Variants in ADGRL2 observed in about 807,000 individuals in gnomAD.
ADGRL2 encodes the protein adhesion G protein-coupled receptor L2.
A neutral mutation model predicts 157.4 loss-of-function variants in ADGRL2; 44 were observed. That is an observed-to-expected ratio of 0.28 (90% CI 0.22 to 0.36). The LOEUF (loss-of-function observed/expected upper bound fraction) is 0.36, where lower values mean the gene tolerates loss of function less well. Among genes scored for constraint, ADGRL2 ranks in the 10% least tolerant of loss-of-function variants. ADGRL2 has a pLI of 1.00. For synonymous variants in ADGRL2, 585 were observed against 624.7 expected, an observed-to-expected ratio of 0.94 and a Z score of 0.95; for missense variants, 1,510 against 1,768.9, an observed-to-expected ratio of 0.85 and a Z score of 2.63.
At position 81,492,756 on chromosome 1, in the gene ADGRL2, C is replaced by T. The variant is rs12072493; in HGVS notation, c.-248+47667C>T. Among the ~76,000 whole-genome samples, 479 of 152,204 alleles carry T rather than the reference C, an allele frequency of 3.1e-3. 4 individuals are homozygous for T. The highest frequency in any genetic ancestry group is 0.011 in the African/African-American group (437 of 41,520). ...TAAACAGCAAGGCATTTAATATTGC[C>T]ATCCAGATACTATTCTGATCTGCTG... is the stretch of plus-strand genomic sequence containing the variant. On this transcript the variant is annotated intron_variant, in intron 2 of 24. Transcript: ENST00000370721.
chr1:81,451,117 A>C (rs1462847593), intron 2 of ADGRL2, among the ~76,000 whole-genome samples: 1 of 152,088 alleles, frequency 6.6e-6, no homozygotes, highest in Non-Finnish European at 1.5e-5. Context: ...GATAGCCCTC[A>C]CTGTCTGGAA....
chr1:81,756,818 C>T (rs2085706607), intron 1 of ADGRL2, among the ~76,000 whole-genome samples: 1 of 152,138 alleles, frequency 6.6e-6, no homozygotes, highest in African/African-American at 2.4e-5. Context: ...AAATTTTAGA[C>T]ATGATAGGCA....
chr1:81,952,403 A>G (rs1323029594), intron 9 of ADGRL2, among the ~76,000 whole-genome samples: 3 of 152,168 alleles, frequency 2.0e-5, no homozygotes, highest in Non-Finnish European at 2.9e-5. Context: ...ATTGTGGTCA[A>G]TACTGTAAGT....
chr1:81,612,940 G>A (rs1160386328), intron 3 of ADGRL2, among the ~76,000 whole-genome samples: 1 of 152,128 alleles, frequency 6.6e-6, no homozygotes, highest in African/African-American at 2.4e-5. Flanking sequence ...TATCTTTGTT[G>A]TTATTATTAA....
chr1:81,417,031 T>C (rs2077044689), intron 1 of ADGRL2, among the ~76,000 whole-genome samples: 1 of 152,210 alleles, frequency 6.6e-6, no homozygotes, highest in African/African-American at 2.4e-5. Context: ...CCTTAAAATT[T>C]AAAGAAAATT....
At chr1:81,854,975 G>T (rs1455095362) in intron 2 of ADGRL2, among the ~76,000 whole-genome samples, 1 of 152,112 alleles carries the variant, frequency 6.6e-6, no homozygotes, top group African/African-American at 2.4e-5. Flanking sequence ...AATTTCAAAG[G>T]TGATTATATA....
At position 81,993,292 on chromosome 1, in the gene ADGRL2, T is replaced by C. The variant is rs1046390057; in HGVS notation, c.*2147T>C. 6.0e-5 allele frequency among the ~76,000 whole-genome samples: 9 copies of C among 151,180 alleles called. No homozygotes were observed. The highest frequency in any genetic ancestry group is 2.2e-4 in the African/African-American group (9 of 41,078). On this transcript the variant is annotated 3_prime_UTR_variant, in exon 24 of 24. Coordinates refer to ENST00000686636, the MANE Select transcript of ADGRL2 (RefSeq NM_001366006.2). ...ATAAACTACTTGCTAAAGGAGGGCATTAGATAATCAAGTATTTTTAATTTT... is the reference window on the plus strand; with the variant it reads ...ATAAACTACTTGCTAAAGGAGGGCACTAGATAATCAAGTATTTTTAATTTT...
chr1:81,651,416 C>T (rs749449086), intron 3 of ADGRL2, among the ~76,000 whole-genome samples: 29 of 152,220 alleles, frequency 1.9e-4, no homozygotes, highest in African/African-American at 6.3e-4. Context: ...TCAAATACTA[C>T]GCTGGTTGAT....
intron 3 of ADGRL2, among the ~76,000 whole-genome samples, chr1:81,604,644 A>T (rs1052242784): frequency 6.6e-6 from 1 of 152,178 alleles, no homozygotes; most frequent in Non-Finnish European, 1.5e-5. Context: ...GTCATGGGCA[A>T]ATCAAGAGAG....
intron 2 of ADGRL2, among the ~76,000 whole-genome samples, chr1:81,477,200 T>G (rs2078290351): frequency 6.6e-6 from 1 of 152,232 alleles, no homozygotes; most frequent in Non-Finnish European, 1.5e-5. Context: ...CAAGATGGAT[T>G]ATTATACCCA....
At chr1:81,500,204 G>A (rs1305625408) in intron 2 of ADGRL2, among the ~76,000 whole-genome samples, 5 of 152,192 alleles carry the variant, frequency 3.3e-5, no homozygotes, top group African/African-American at 1.2e-4. Flanking sequence ...GCTGTTAGTG[G>A]GGATGTAAAA....
chr1:81,462,297 A>G (rs142793963), intron 2 of ADGRL2, among the ~76,000 whole-genome samples: 6 of 152,198 alleles, frequency 3.9e-5, no homozygotes, highest in Admixed American at 3.3e-4. Flanking sequence ...TGCAGCAGCA[A>G]CCTGCTCTGC....
rs530846086 is a variant in ADGRL2 at position 81,992,436 on chromosome 1, A to T, written c.*1291A>T. 50 of 152,706 alleles carry T rather than the reference A, an allele frequency of 3.3e-4. No individual in the cohort carries two copies. The highest frequency in any genetic ancestry group is 1.2e-3 in the African/African-American group (49 of 41,552). 9.5% of individuals were successfully genotyped at this position (152,706 alleles called of 1,614,324 possible). A position where few individuals can be genotyped will look rare whatever the true frequency, so the allele number is the denominator to read the frequency against. ...ATTTTTTCAAGTAGTTAACATGTGA[A>T]CTTTTATGTATGATACATAATTGGC... On this transcript the variant is annotated 3_prime_UTR_variant, in exon 24 of 24. Coordinates refer to ENST00000686636, the MANE Select transcript of ADGRL2 (RefSeq NM_001366006.2).
intron 1 of ADGRL2, among the ~76,000 whole-genome samples, chr1:81,412,707 G>T (rs1055299053): frequency 1.3e-5 from 2 of 152,140 alleles, no homozygotes; most frequent in African/African-American, 4.8e-5. Flanking sequence ...TAAATACTTG[G>T]TTGCAATAGA....
chr1:81,392,105 T>TCCACC (rs2101137432), intron 1 of ADGRL2, among the ~76,000 whole-genome samples: 1 of 152,132 alleles, frequency 6.6e-6, no homozygotes, highest in South Asian at 2.1e-4. Context: ...TGTCAACCAT[T>TCCACC]ATACTGTACT....
chr1:81,966,225 G>A (rs547890958), intron 12 of ADGRL2, 42 bp downstream of exon 12: 1 of 1,611,286 alleles, frequency 6.2e-7, no homozygotes, highest in South Asian at 1.1e-5. Flanking sequence ...TTTTGTTGTT[G>A]TTCAAAAACC....
intron 2 of ADGRL2, among the ~76,000 whole-genome samples, chr1:81,891,043 A>C (rs1399942309): frequency 6.6e-6 from 1 of 152,040 alleles, no homozygotes; most frequent in East Asian, 1.9e-4. Flanking sequence ...CTGTTAGTCC[A>C]AAAAGGGTTT....
At chr1:81,820,351 G>A (rs996874337) in intron 1 of ADGRL2, among the ~76,000 whole-genome samples, 4 of 152,126 alleles carry the variant, frequency 2.6e-5, no homozygotes, top group South Asian at 2.1e-4. Context: ...GTCCTAATCC[G>A]AAAGTATTCT....
At chr1:81,655,260 A>G (rs1357340084) in intron 3 of ADGRL2, among the ~76,000 whole-genome samples, 2 of 152,168 alleles carry the variant, frequency 1.3e-5, no homozygotes, top group Non-Finnish European at 2.9e-5. Context: ...TCGGCCTCCC[A>G]AAGTGCTGAG....
Sources: gnomAD v4.1 joint callset for allele counts (sites outside exome capture counted in the v4.1 genomes callset) on GRCh38, gnomAD v4.1.1 for gene constraint, MANE v1.5 for transcripts, NCBI Gene and HGNC (gene_info 2026-07-23, HGNC 2026-07-21) for gene names.